Variants in PRKN observed in about 807,000 individuals in gnomAD.
PRKN encodes E3 ubiquitin-protein ligase parkin.
In PRKN, 56 loss-of-function variants were observed where a neutral mutation model predicts 59.5. The ratio of observed to expected loss-of-function variants is 0.94; its 90% CI spans 0.76 to 1.18. The LOEUF (loss-of-function observed/expected upper bound fraction) is 1.18. Among genes scored for constraint, PRKN ranks in the 50% most tolerant of loss-of-function variants. The pLI is 0.00. For missense variants in PRKN, 657 were observed against 596.4 expected, an observed-to-expected ratio of 1.10 and a Z score of -1.06; for synonymous variants, 250 against 222.1, an observed-to-expected ratio of 1.13 and a Z score of -1.12.
intron 4 of PRKN, among the ~76,000 whole-genome samples, chr6:162,099,500 C>T (rs1779878160): frequency 6.6e-6 from 1 of 152,160 alleles, no homozygotes; most frequent in Non-Finnish European, 1.5e-5. Flanking sequence ...TTTACAAATT[C>T]CCTTCTAACG....
intron 10 of PRKN, among the ~76,000 whole-genome samples, chr6:161,368,158 G>A (rs1024780504): frequency 6.6e-6 from 1 of 151,386 alleles, no homozygotes; most frequent in Admixed American, 6.6e-5. Flanking sequence ...AGGCGCAGTG[G>A]CTCACACCTG....
intron 2 of PRKN, among the ~76,000 whole-genome samples, chr6:162,427,270 T>C (rs550805947): frequency 2.1e-4 from 32 of 152,222 alleles, no homozygotes; most frequent in Non-Finnish European, 3.7e-4. Context: ...ATTTAGTATC[T>C]ATTAATAGTA....
chr6:162,291,011 T>C (rs1781403978), intron 2 of PRKN, among the ~76,000 whole-genome samples: 2 of 152,162 alleles, frequency 1.3e-5, no homozygotes, highest in Admixed American at 1.3e-4. Flanking sequence ...AGGATAACTG[T>C]GTGTACTTAT....
intron 10 of PRKN, among the ~76,000 whole-genome samples, chr6:161,380,707 A>T (rs1179101502): frequency 2.6e-5 from 4 of 152,204 alleles, no homozygotes. Flanking sequence ...GAAGTGTAAC[A>T]CAACGTTGCA....
chr6:161,486,480 A>G (rs956333875), intron 9 of PRKN, among the ~76,000 whole-genome samples: 8 of 152,192 alleles, frequency 5.3e-5, no homozygotes, highest in African/African-American at 1.9e-4. Context: ...GTGTGAATAC[A>G]GCTTCTCACA....
At chr6:161,777,622 G>A (rs10945776) in intron 7 of PRKN, among the ~76,000 whole-genome samples, 57,640 of 145,422 alleles carry the variant, frequency 0.4, 11,783 homozygotes, top group South Asian at 0.52. Flanking sequence ...TTTGGAAAAT[G>A]GTTTGCTAAC....
intron 8 of PRKN, among the ~76,000 whole-genome samples, chr6:161,553,198 G>A (rs1393770294): frequency 6.6e-6 from 1 of 151,164 alleles, no homozygotes. Context: ...GAAGAAAGCA[G>A]GACATGTGAC....
At chr6:162,289,154 G>A (rs895782472) in intron 2 of PRKN, among the ~76,000 whole-genome samples, 2 of 149,436 alleles carry the variant, frequency 1.3e-5, no homozygotes, top group African/African-American at 4.8e-5. Context: ...CGGCAGGGCT[G>A]GTTCCTTCTG....
intron 6 of PRKN, among the ~76,000 whole-genome samples, chr6:161,914,344 T>C (rs1045951150): frequency 6.6e-6 from 1 of 152,170 alleles, no homozygotes. Flanking sequence ...GAAAAAGATA[T>C]AGGCACATGT....
At chr6:162,341,916 A>C (rs1784195938) in intron 2 of PRKN, among the ~76,000 whole-genome samples, 1 of 150,876 alleles carries the variant, frequency 6.6e-6, no homozygotes, top group South Asian at 2.1e-4. Context: ...AAAAAAAAAA[A>C]CTCCTGGTGT....
chr6:162,149,559 T>G (rs76781820), intron 4 of PRKN, among the ~76,000 whole-genome samples: 1,735 of 152,238 alleles, frequency 0.011, 23 homozygotes, highest in African/African-American at 0.032. Context: ...TGTACATTTT[T>G]CAAAGTAAAA....
chr6:162,079,218 C>T, intron 4 of PRKN, among the ~76,000 whole-genome samples: 1 of 152,082 alleles, frequency 6.6e-6, no homozygotes. Flanking sequence ...AATTTGTAGT[C>T]TGAGATCTCA....
intron 4 of PRKN, among the ~76,000 whole-genome samples, chr6:162,072,245 G>A (rs1329252045): frequency 6.6e-6 from 1 of 151,982 alleles, no homozygotes; most frequent in Admixed American, 6.6e-5. Flanking sequence ...CCAAGATCAC[G>A]CCACTGCACT....
chr6:161,897,307 T>C (rs982964741), intron 6 of PRKN, among the ~76,000 whole-genome samples: 3 of 152,226 alleles, frequency 2.0e-5, no homozygotes, highest in South Asian at 2.1e-4. Context: ...TGGTGTTTCA[T>C]GCTTCTTCTC....
At chr6:162,312,062 A>C (rs1477628090) in intron 2 of PRKN, among the ~76,000 whole-genome samples, 1 of 152,064 alleles carries the variant, frequency 6.6e-6, no homozygotes, top group African/African-American at 2.4e-5. Context: ...CGCAAACAGA[A>C]GGCGGCATGT....
chr6:161,847,678 C>A (rs1793257691), intron 6 of PRKN, among the ~76,000 whole-genome samples: 1 of 151,620 alleles, frequency 6.6e-6, no homozygotes, highest in Non-Finnish European at 1.5e-5. Flanking sequence ...AAAATTGAAT[C>A]CGGGGTGCAT....
At chr6:162,035,305 C>T (rs1183063117) in intron 5 of PRKN, among the ~76,000 whole-genome samples, 1 of 152,144 alleles carries the variant, frequency 6.6e-6, no homozygotes, top group East Asian at 1.9e-4. Context: ...CGAACATCTC[C>T]CACCAGGCCC....
chr6:162,089,947 G>T (rs1218205324), intron 4 of PRKN, among the ~76,000 whole-genome samples: 1 of 152,120 alleles, frequency 6.6e-6, no homozygotes, highest in Non-Finnish European at 1.5e-5. Flanking sequence ...GGGAATTATG[G>T]CAGTGTTCTA....
chr6:161,946,386 T>TCACACACACACACACA lies in PRKN; in HGVS notation c.734+26900_734+26915dup, dbSNP rs368190954. On this transcript the variant is annotated intron_variant, in intron 6 of 11. Coordinates refer to ENST00000366898, the MANE Select transcript of PRKN (RefSeq NM_004562.3). ...GGTTCTTTACCAAATTGCATGCACA[T>TCACACACACACACACA]CACACACACACACACACACACACAC... 1.3e-3 allele frequency among the ~76,000 whole-genome samples: 144 copies of TCACACACACACACACA among 113,442 alleles called. 1 individual carries two copies. The highest frequency in any genetic ancestry group is 2.0e-3 in the South Asian group (6 of 2,952). 74.4% of individuals were successfully genotyped at this position (113,442 alleles called of 152,430 possible).
Sources: gnomAD v4.1 joint callset for allele counts (sites outside exome capture counted in the v4.1 genomes callset) on GRCh38, gnomAD v4.1.1 for gene constraint, MANE v1.5 for transcripts, NCBI Gene and HGNC (gene_info 2026-07-23, HGNC 2026-07-21) for gene names.